QNG1: variants seen among roughly 807,000 people sequenced by gnomAD.
QNG1 encodes queuosine 5'-phosphate N-glycosylase/hydrolase.
At chr9:83,956,207 C>G in the QNG1 span, 869 of 1,613,512 alleles carry the variant, frequency 5.4e-4, 12 homozygotes, top group African/African-American at 0.011. Flanking sequence ...GGGACCAGTA[C>G]CCACTGTATG....
At chr9:83,939,262 G>T in the QNG1 span, 1 of 390,286 alleles carries the variant, frequency 2.6e-6, no homozygotes, top group Non-Finnish European at 4.7e-6. Context: ...TAGTAGAGAT[G>T]GGGTTTCACC....
At chr9:83,956,500 T>C in the QNG1 span, 1 of 1,519,824 alleles carries the variant, frequency 6.6e-7, no homozygotes, top group Non-Finnish European at 8.8e-7. Context: ...AGCCCGTCCA[T>C]TCTGCCCTTT....
At chr9:83,946,301 T>A in the QNG1 span, among the ~76,000 whole-genome samples, 1 of 151,632 alleles carries the variant, frequency 6.6e-6, no homozygotes, top group South Asian at 2.1e-4. Context: ...CAAGGCTCTG[T>A]CAAAAATAAT....
the QNG1 span, among the ~76,000 whole-genome samples, chr9:83,951,348 G>GT: frequency 2.8e-3 from 423 of 152,316 alleles, 2 homozygotes; most frequent in African/African-American, 9.7e-3. Context: ...ATCACCTGAG[G>GT]TCAGGAGTTC....
chr9:83,956,077 A>T, the QNG1 span: 11 of 1,375,472 alleles, frequency 8.0e-6, no homozygotes, highest in Non-Finnish European at 1.1e-5. Context: ...CCATCTCCCA[A>T]CCCGCTCCTT....
chr9:83,946,266 C>T, the QNG1 span, among the ~76,000 whole-genome samples: 48 of 152,034 alleles, frequency 3.2e-4, no homozygotes, highest in Middle Eastern at 3.4e-3. Context: ...GATCGCACCA[C>T]TGCACTCCAG....
chr9:83,938,772 C>T, the QNG1 span: 3 of 150,102 alleles, frequency 2.0e-5, no homozygotes, highest in Non-Finnish European at 2.9e-5. Flanking sequence ...GAGACAAGGT[C>T]TCCATCTGTT....
chr9:83,949,803 G>GA, the QNG1 span, among the ~76,000 whole-genome samples: 2 of 151,356 alleles, frequency 1.3e-5, no homozygotes, highest in Admixed American at 1.3e-4. Flanking sequence ...GAGCAAAATG[G>GA]AAAAAACTAG....
At chr9:83,955,536 T>G in the QNG1 span, 1 of 1,614,174 alleles carries the variant, frequency 6.2e-7, no homozygotes, top group South Asian at 1.1e-5. Context: ...ATCCGATGCC[T>G]CTCTTCTACT....
the QNG1 span, chr9:83,945,018 T>C: frequency 4.6e-6 from 7 of 1,522,086 alleles, no homozygotes; most frequent in South Asian, 7.4e-5. Context: ...ATAAACGTTA[T>C]TTGAGTATCT....
the QNG1 span, chr9:83,945,019 T>C: frequency 1.3e-6 from 2 of 1,522,284 alleles, no homozygotes; most frequent in Non-Finnish European, 1.8e-6. Flanking sequence ...TAAACGTTAT[T>C]TGAGTATCTG....
At chr9:83,956,344 GA>G in the QNG1 span, 1 of 1,612,800 alleles carries the variant, frequency 6.2e-7, no homozygotes, top group Non-Finnish European at 8.5e-7. Flanking sequence ...TTCAGCTCAT[GA>G]AGGGCTTTCC....
At chr9:83,947,628 C>T in the QNG1 span, among the ~76,000 whole-genome samples, 4 of 152,246 alleles carry the variant, frequency 2.6e-5, no homozygotes, top group Non-Finnish European at 4.4e-5. Context: ...ATTCTCCTGC[C>T]TCAGACTGCC....
chr9:83,950,048 TA>T, the QNG1 span, among the ~76,000 whole-genome samples: 26 of 146,020 alleles, frequency 1.8e-4, no homozygotes, highest in Admixed American at 4.2e-4. Flanking sequence ...AACATTTTCC[TA>T]TTTTTTTTTT....
At chr9:83,955,377 T>C in the QNG1 span, 2 of 1,610,370 alleles carry the variant, frequency 1.2e-6, no homozygotes, top group Non-Finnish European at 1.7e-6. Context: ...CAGAAGCAAC[T>C]CACCTCAAAC....
chr9:83,947,122 T>C, the QNG1 span, among the ~76,000 whole-genome samples: 14 of 152,242 alleles, frequency 9.2e-5, no homozygotes, highest in South Asian at 2.9e-3. Context: ...TCAGCCTAGA[T>C]TATGGAAAAA....
chr9:83,941,081 T>A, the QNG1 span, among the ~76,000 whole-genome samples: 2 of 152,062 alleles, frequency 1.3e-5, no homozygotes, highest in Non-Finnish European at 1.5e-5. Flanking sequence ...CCCACCCGAG[T>A]AGAGCTATCA....
chr9:83,952,154 T>C, the QNG1 span, among the ~76,000 whole-genome samples: 2 of 151,938 alleles, frequency 1.3e-5, no homozygotes, highest in African/African-American at 4.8e-5. Context: ...CTGGCTAGTT[T>C]TTAAATTTTT....
the QNG1 span, among the ~76,000 whole-genome samples, chr9:83,948,238 G>C: frequency 1.3e-5 from 2 of 149,988 alleles, no homozygotes; most frequent in Non-Finnish European, 3.0e-5. Flanking sequence ...GTTTCTGGCC[G>C]GCCGCCCCGT....
Sources: allele counts gnomAD v4.1 joint callset (sites outside exome capture counted in the v4.1 genomes callset), GRCh38; gene constraint gnomAD v4.1.1; transcripts MANE v1.5; gene names NCBI Gene and HGNC (gene_info 2026-07-23, HGNC 2026-07-21).